MME: variants seen among roughly 807,000 people sequenced by gnomAD.
MME encodes the protein membrane metalloendopeptidase, also known as neprilysin.
Under a neutral mutation model 113.2 loss-of-function variants are expected in MME, and 98 were observed. The observed-to-expected ratio is 0.87, with a 90% CI of 0.74 to 1.02. MME has a LOEUF of 1.02. Ranked by LOEUF, MME falls within the 50% of genes least tolerant of loss-of-function variation. The probability of loss-of-function intolerance (pLI) is 0.00; values close to 1 mark genes in which losing one functional copy is unlikely to be tolerated. For missense variants in MME, 836 were observed against 896.0 expected (o/e 0.93, Z 0.86); for synonymous variants, 292 against 300.6 (o/e 0.97, Z 0.30).
chr3:155,181,320 A>G lies in MME; in HGVS notation c.*861A>G, dbSNP rs1355093434. ...TGAACCAAGATCTATAAAGCGATAT[A>G]CAGATGAAAATTTGAGACTATTTAA... On this transcript the variant is annotated 3_prime_UTR_variant, in exon 23 of 23. Coordinates refer to ENST00000360490, the MANE Select transcript of MME (RefSeq NM_007289.4). The G allele has an allele frequency of 6.6e-6, 1 of 152,186 alleles. No homozygotes were observed. The highest frequency in any genetic ancestry group is 6.5e-5 in the Admixed American group (1 of 15,268). 9.4% of individuals were successfully genotyped at this position (152,186 alleles called of 1,614,324 possible).
intron 20 of MME, among the ~76,000 whole-genome samples, chr3:155,171,693 T>C (rs535194551): frequency 6.6e-6 from 1 of 152,312 alleles, no homozygotes; most frequent in South Asian, 2.1e-4. Context: ...TCACTCGATC[T>C]TAGTCTGGTG....
In MME at chr3:155,142,049, C is replaced by T. The variant is rs769969573; in HGVS notation, c.1016C>T (p.Thr339Ile). 2 of 1,613,632 alleles carry T rather than the reference C, an allele frequency of 1.2e-6. No homozygotes were observed. The highest frequency in any genetic ancestry group is 1.7e-6 in the Non-Finnish European group (2 of 1,179,666). Residue 339 changes from threonine to isoleucine, a missense_variant, in exon 11 of 23, where the codon ACA becomes ATA. Coordinates refer to ENST00000360490, the MANE Select transcript of MME (RefSeq NM_007289.4). ...ATGTCAACTGTGAATATTAGTATTACAAATGAGGAAGATGTGGTTGTTTAT... is the reference window on the plus strand; with the variant it reads ...ATGTCAACTGTGAATATTAGTATTATAAATGAGGAAGATGTGGTTGTTTAT... ...EIMSTVNISI[T>I]NEEDVVVYAP...
At chr3:155,050,735 A>G (rs1017427283) in intron 1 of MME, among the ~76,000 whole-genome samples, 1 of 152,144 alleles carries the variant, frequency 6.6e-6, no homozygotes, top group Non-Finnish European at 1.5e-5. Flanking sequence ...ATATTAGAAC[A>G]CTGTCAGATG....
intron 2 of MME, 40 bp downstream of exon 2, chr3:155,084,367 G>A (rs2108167799): frequency 6.2e-7 from 1 of 1,606,602 alleles, no homozygotes; most frequent in East Asian, 2.2e-5. Flanking sequence ...AAGTGCAAAA[G>A]AGAAGGAAAT....
intron 1 of MME, among the ~76,000 whole-genome samples, chr3:155,027,680 T>G (rs558437052): frequency 6.6e-6 from 1 of 152,348 alleles, no homozygotes; most frequent in African/African-American, 2.4e-5. Context: ...AACAGTAGGC[T>G]TAGATAGAAT....
At chr3:155,106,281 A>C (rs1322706941) in intron 3 of MME, among the ~76,000 whole-genome samples, 1 of 152,222 alleles carries the variant, frequency 6.6e-6, no homozygotes, top group Non-Finnish European at 1.5e-5. Context: ...GAACGTAACC[A>C]GTGGTTGACA....
At chr3:155,103,752 C>T (rs529460878) in intron 3 of MME, among the ~76,000 whole-genome samples, 188 of 152,236 alleles carry the variant, frequency 1.2e-3, no homozygotes, top group African/African-American at 4.3e-3. Context: ...ACTCTGTGTT[C>T]TTCTTCTCTT....
rs777899848 is a variant in MME, at chr3:155,089,847, C to T, written c.196+4753C>T. ...ACAAAAATCCAGGCATGGTAGCACG[C>T]GCCTATAATCCCAGAGGGAGGAGAA... On this transcript the variant is annotated intron_variant, in intron 3 of 22. Coordinates refer to ENST00000360490, the MANE Select transcript of MME (RefSeq NM_007289.4). 4.6e-5 allele frequency: 21 copies of T among 452,734 alleles called. 1 individual carries two copies. The highest frequency in any genetic ancestry group is 1.2e-4 in the South Asian group (8 of 64,208). The allele number at this position is 452,734 out of a possible 1,614,324, so 28.0% of individuals were successfully genotyped here. A position where few individuals can be genotyped will look rare whatever the true frequency, so the allele number is the denominator to read the frequency against.
At chr3:155,133,754 A>ATG (rs1482917390) in intron 8 of MME, among the ~76,000 whole-genome samples, 3 of 146,262 alleles carry the variant, frequency 2.1e-5, no homozygotes, top group African/African-American at 7.5e-5. Flanking sequence ...GTATATATAT[A>ATG]TGTGTATATA....
At chr3:155,134,385 G>T (rs1355854517) in intron 8 of MME, among the ~76,000 whole-genome samples, 1 of 152,108 alleles carries the variant, frequency 6.6e-6, no homozygotes, top group Non-Finnish European at 1.5e-5. Flanking sequence ...ATGAGAACAT[G>T]TGGTATTTGG....
Position 155,171,134 on chromosome 3 carries a change from C to G in MME, c.1981-983C>G, listed in dbSNP as rs569568469. Among the ~76,000 whole-genome samples, 4 of 152,258 alleles carry G rather than the reference C, an allele frequency of 2.6e-5. No homozygotes were observed. In the East Asian group the frequency reaches 5.8e-4, roughly 22 times the overall value. On this transcript the variant is annotated intron_variant, in intron 20 of 22. Transcript: ENST00000360490. ...GGATTGATAGTACTCCCATGGAGAA[C>G]CTCACCTAGAGCAAGTACAGAATTG...
At chr3:155,069,687 T>C (rs1714492378) in intron 1 of MME, among the ~76,000 whole-genome samples, 1 of 152,174 alleles carries the variant, frequency 6.6e-6, no homozygotes. Flanking sequence ...TAACACCTAC[T>C]TAAATAGTGA....
At chr3:155,094,376 G>A (rs1453755652) in intron 3 of MME, among the ~76,000 whole-genome samples, 2 of 152,240 alleles carry the variant, frequency 1.3e-5, no homozygotes, top group African/African-American at 2.4e-5. Context: ...AAAGACTAAC[G>A]ACAGCCTATT....
At chr3:155,095,258 A>G (rs1576719089) in intron 3 of MME, among the ~76,000 whole-genome samples, 1 of 152,304 alleles carries the variant, frequency 6.6e-6, no homozygotes, top group South Asian at 2.1e-4. Flanking sequence ...GGATATTTGC[A>G]TTTTTAAAAG....
intron 7 of MME, among the ~76,000 whole-genome samples, chr3:155,118,097 C>T (rs912791918): frequency 6.6e-6 from 1 of 152,180 alleles, no homozygotes; most frequent in African/African-American, 2.4e-5. Context: ...TAACTGCTAT[C>T]TGGGTCTACT....
chr3:155,124,996 T>C (rs1316219715), intron 8 of MME, among the ~76,000 whole-genome samples: 3 of 152,246 alleles, frequency 2.0e-5, no homozygotes, highest in African/African-American at 7.2e-5. Flanking sequence ...GCCTGGGCAA[T>C]GGCAGGCGCC....
In MME at chr3:155,159,476, C is replaced by A. The variant is rs191797973; in HGVS notation, c.1602-914C>A. On this transcript the variant is annotated intron_variant, in intron 16 of 22. Transcript: ENST00000360490. ...AGCAAGTAACGATATATGTAGTAGT[C>A]TACTAAGATGAGAACTTTAGTCCTG... 2.0e-5 allele frequency among the ~76,000 whole-genome samples: 3 copies of A among 152,120 alleles called. No individual in the cohort carries two copies. In the East Asian group the frequency reaches 5.8e-4, roughly 29 times the overall value.
intron 1 of MME, among the ~76,000 whole-genome samples, chr3:155,072,403 C>G (rs1050759453): frequency 3.1e-4 from 47 of 152,342 alleles, no homozygotes; most frequent in African/African-American, 1.1e-3. Flanking sequence ...ACCCACTAAA[C>G]TGTGGATTCC....
intron 1 of MME, among the ~76,000 whole-genome samples, chr3:155,042,389 T>G (rs1285119535): frequency 6.6e-6 from 1 of 152,162 alleles, no homozygotes; most frequent in Non-Finnish European, 1.5e-5. Flanking sequence ...TCTTTTCCTA[T>G]GTCATGCCCA....
Sources: gnomAD v4.1 joint callset for allele counts (sites outside exome capture counted in the v4.1 genomes callset) on GRCh38, gnomAD v4.1.1 for gene constraint, MANE v1.5 for transcripts, NCBI Gene and HGNC (gene_info 2026-07-23, HGNC 2026-07-21) for gene names.